Variants in PARD3B observed in about 807,000 individuals in gnomAD.
PARD3B encodes partitioning defective 3 homolog B.
PARD3B carries 103 observed loss-of-function variants against 130.2 expected under a neutral mutation model. The observed-to-expected ratio is 0.79, with a 90% CI of 0.67 to 0.93. The LOEUF (loss-of-function observed/expected upper bound fraction) is 0.93. PARD3B is among the 40% of genes least tolerant of loss of function. The pLI, the probability that PARD3B is intolerant of heterozygous loss-of-function variation, is 0.00. For synonymous variants in PARD3B, 583 were observed against 553.2 expected (o/e 1.05, Z -0.76); for missense variants, 1,609 against 1,499.2 (o/e 1.07, Z -1.21).
At chr2:205,380,716 A>ATATACTATATATAAAGAATATACAT (rs2045350843) in intron 18 of PARD3B, among the ~76,000 whole-genome samples, 1 of 102,238 alleles carries the variant, frequency 9.8e-6, no homozygotes, top group African/African-American at 4.0e-5. Context: ...TATACATTAT[A>ATATACTATATATAAAGAATATACAT]TATACTATAT....
At chr2:205,385,333 G>A (rs1249937553) in intron 18 of PARD3B, among the ~76,000 whole-genome samples, 8 of 152,024 alleles carry the variant, frequency 5.3e-5, no homozygotes, top group Non-Finnish European at 4.4e-5. Context: ...GGGAGAGTTT[G>A]ACTGATTTGG....
In PARD3B at chr2:205,183,771, T is replaced by TGTGC. The variant is rs2035935283; in HGVS notation, c.1925-1990_1925-1989insCGTG. The stretch of plus-strand genomic sequence containing the variant: ...GTGTGTGTGTGTGTGTGTGTGTGTG[T>TGTGC]GTGAACAGATTTATGATAAGGAATT... On this transcript the variant is annotated intron_variant, in intron 13 of 22. Transcript: ENST00000406610. This position sits in a 1 kb window ranked among gnomAD's most constrained non-coding sequence, Gnocchi z 5.2. Among the ~76,000 whole-genome samples, 1 of 147,400 alleles carries TGTGC rather than the reference T, an allele frequency of 6.8e-6. No homozygotes were observed. The highest frequency in any genetic ancestry group is 1.5e-5 in the Non-Finnish European group (1 of 66,944).
At chr2:205,133,299 A>G (rs1417087072) in intron 10 of PARD3B, among the ~76,000 whole-genome samples, 1 of 152,162 alleles carries the variant, frequency 6.6e-6, no homozygotes, top group African/African-American at 2.4e-5. Context: ...TATCGTGTTA[A>G]AGTATTTTAA....
intron 4 of PARD3B, among the ~76,000 whole-genome samples, chr2:205,083,169 T>G (rs1701531048): frequency 6.6e-6 from 1 of 152,058 alleles, no homozygotes; most frequent in African/African-American, 2.4e-5. Context: ...TCTGCCCATC[T>G]TGGCCTCGCA....
chr2:205,044,826 T>A lies in PARD3B; in HGVS notation c.395-2755T>A, dbSNP rs544418127. On this transcript the variant is annotated intron_variant, in intron 3 of 22. Coordinates refer to ENST00000406610, the MANE Select transcript of PARD3B (RefSeq NM_001302769.2). Reference sequence around the variant, plus strand: ...GTTTAATTAGATCCCATTTCTCAGTTTAAGGTGGAACTCAGTCTCTTCCTG... The same window carrying A: ...GTTTAATTAGATCCCATTTCTCAGTATAAGGTGGAACTCAGTCTCTTCCTG... Among the ~76,000 whole-genome samples, 4 of 152,288 alleles carry A rather than the reference T, an allele frequency of 2.6e-5. No individual in the cohort carries two copies. In the East Asian group the frequency reaches 7.7e-4, roughly 29 times the overall value.
chr2:205,032,079 T>G (rs1656620763), intron 3 of PARD3B, among the ~76,000 whole-genome samples: 1 of 152,192 alleles, frequency 6.6e-6, no homozygotes, highest in South Asian at 2.1e-4. Context: ...TGATTCTCTT[T>G]TTGAAGAATC....
intron 2 of PARD3B, among the ~76,000 whole-genome samples, 188 bp downstream of exon 2, chr2:204,686,470 G>GGAAT (rs1484355179): frequency 2.0e-5 from 3 of 152,122 alleles, no homozygotes; most frequent in Admixed American, 1.3e-4. Flanking sequence ...TTAAGGTTTG[G>GGAAT]GAATCTGTTT....
intron 14 of PARD3B, among the ~76,000 whole-genome samples, chr2:205,192,746 G>A (rs1013337658): frequency 6.6e-6 from 1 of 152,170 alleles, no homozygotes; most frequent in Non-Finnish European, 1.5e-5. Flanking sequence ...ACTCCTACAG[G>A]CATCAGTCAT....
intron 4 of PARD3B, among the ~76,000 whole-genome samples, chr2:205,070,492 C>A (rs2125482694): frequency 6.6e-6 from 1 of 152,110 alleles, no homozygotes; most frequent in Non-Finnish European, 1.5e-5. Context: ...AATTTAATTG[C>A]TTCCCTGTAA....
At chr2:205,231,740 A>G (rs1291766836) in intron 15 of PARD3B, among the ~76,000 whole-genome samples, 6 of 152,198 alleles carry the variant, frequency 3.9e-5, no homozygotes, top group Non-Finnish European at 8.8e-5. Context: ...TAAGAAATGG[A>G]GCTATGAGTC....
intron 1 of PARD3B, among the ~76,000 whole-genome samples, chr2:204,562,963 C>G (rs922080197): frequency 6.6e-6 from 1 of 152,126 alleles, no homozygotes; most frequent in Non-Finnish European, 1.5e-5. Flanking sequence ...CTCACTCTAT[C>G]GCTCTGTGTT....
intron 16 of PARD3B, among the ~76,000 whole-genome samples, chr2:205,251,842 G>T (rs2039863670): frequency 6.6e-6 from 1 of 152,020 alleles, no homozygotes; most frequent in South Asian, 2.1e-4. Flanking sequence ...TCTCTATTTG[G>T]ACAAACATCT....
chr2:204,768,708 G>A (rs2041241996), intron 2 of PARD3B, among the ~76,000 whole-genome samples: 1 of 45,824 alleles, frequency 2.2e-5, no homozygotes, highest in Admixed American at 2.9e-4. Flanking sequence ...CCTTGAAGAG[G>A]TCCTTCACAT....
chr2:204,727,434 C>T (rs2039286255), intron 2 of PARD3B, among the ~76,000 whole-genome samples: 1 of 152,148 alleles, frequency 6.6e-6, no homozygotes, highest in Non-Finnish European at 1.5e-5. Flanking sequence ...TATTTTCAGT[C>T]ATGGTTTTTC....
chr2:205,137,670 T>C (rs564155925), intron 10 of PARD3B, among the ~76,000 whole-genome samples: 62 of 152,342 alleles, frequency 4.1e-4, no homozygotes, highest in African/African-American at 1.4e-3. Flanking sequence ...TGGAGCTGCA[T>C]TGAACCAGAG....
intron 22 of PARD3B, among the ~76,000 whole-genome samples, chr2:205,581,033 A>T (rs1198457579): frequency 3.9e-5 from 6 of 152,138 alleles, no homozygotes; most frequent in African/African-American, 7.2e-5. Context: ...CATTTCAAGT[A>T]TTTGAATAAG....
chr2:205,581,231 GATAT>G (rs1335616689), intron 22 of PARD3B, among the ~76,000 whole-genome samples: 1 of 62,650 alleles, frequency 1.6e-5, no homozygotes, highest in Non-Finnish European at 3.9e-5. Flanking sequence ...GGGGTGGGGA[GATAT>G]ATATAGATAT....
intron 2 of PARD3B, among the ~76,000 whole-genome samples, chr2:204,933,136 C>A (rs1236550902): frequency 6.6e-6 from 1 of 152,114 alleles, no homozygotes; most frequent in Admixed American, 6.6e-5. Flanking sequence ...AAATGAGTAA[C>A]TGTTTTCATC....
Position 205,176,893 on chromosome 2 carries a change from G to A in PARD3B, c.1924+316G>A, listed in dbSNP as rs1199600703. On this transcript the variant is annotated intron_variant, in intron 13 of 22. Coordinates refer to ENST00000406610, the MANE Select transcript of PARD3B (RefSeq NM_001302769.2). The surrounding 1 kb of genome is among the most constrained non-coding windows in gnomAD (Gnocchi z 5.3). ...TTATTTTTAAGCTCTTCTAATACTGGAAGTTACCAAGTATAAATAAATAAC... is the reference window on the plus strand; with the variant it reads ...TTATTTTTAAGCTCTTCTAATACTGAAAGTTACCAAGTATAAATAAATAAC... Among the ~76,000 whole-genome samples, 4 of 152,126 alleles carry A rather than the reference G, an allele frequency of 2.6e-5. No homozygotes were observed. Among genetic ancestry groups the A allele is most frequent in the Non-Finnish European group, 5.9e-5 (4 of 68,030 alleles).
Sources: allele counts gnomAD v4.1 joint callset (sites outside exome capture counted in the v4.1 genomes callset), GRCh38; gene constraint gnomAD v4.1.1; non-coding constraint Gnocchi (gnomAD v3.1); transcripts MANE v1.5; gene names NCBI Gene and HGNC (gene_info 2026-07-23, HGNC 2026-07-21).